Variants in SPAG17 observed in about 807,000 individuals in gnomAD.
The protein encoded by SPAG17 is sperm associated antigen 17, also known as sperm-associated antigen 17.
In SPAG17, 169 loss-of-function variants were observed where a neutral mutation model predicts 273.6. The ratio of observed to expected loss-of-function variants is 0.62; its 90% CI spans 0.55 to 0.70. The LOEUF is 0.70. Ranked by LOEUF, SPAG17 falls within the 30% of genes least tolerant of loss-of-function variation. The pLI, the probability that SPAG17 is intolerant of heterozygous loss-of-function variation, is 0.00. For missense variants in SPAG17, 2,557 were observed against 2,627.8 expected (o/e 0.97, Z 0.59); for synonymous variants, 825 against 873.2 (o/e 0.94, Z 0.97).
chr1:117,995,078 C>T (rs1051724851), intron 34 of SPAG17, among the ~76,000 whole-genome samples: 9 of 152,252 alleles, frequency 5.9e-5, no homozygotes, highest in African/African-American at 1.9e-4. Context: ...TGTGCTTCAG[C>T]TACTTTGGCC....
chr1:118,046,307 A>G (rs934401135), intron 20 of SPAG17, among the ~76,000 whole-genome samples: 1 of 152,280 alleles, frequency 6.6e-6, no homozygotes, highest in Non-Finnish European at 1.5e-5. Context: ...ACTGCACTCC[A>G]GCCTGGGGGA....
At chr1:118,085,648 A>G (rs758445879) in intron 13 of SPAG17, among the ~76,000 whole-genome samples, 4 of 152,192 alleles carry the variant, frequency 2.6e-5, no homozygotes, top group Non-Finnish European at 5.9e-5. Context: ...ATGGGGGAAA[A>G]CGAGGAAAAA....
intron 46 of SPAG17, among the ~76,000 whole-genome samples, chr1:117,967,400 G>A (rs1384807877): frequency 6.6e-6 from 1 of 151,694 alleles, no homozygotes; most frequent in Admixed American, 6.6e-5. Flanking sequence ...GCTTCCCTGG[G>A]CCACATTAGA....
intron 1 of SPAG17, among the ~76,000 whole-genome samples, chr1:118,182,347 T>C (rs1376761369): frequency 6.6e-6 from 1 of 152,126 alleles, no homozygotes; most frequent in African/African-American, 2.4e-5. Context: ...AGGTTAACAC[T>C]TCTTCCTATC....
Position 117,981,322 on chromosome 1 carries a change from C to A in SPAG17, c.5952G>T (p.Lys1984Asn). The change falls in exon 43 of 49, where the codon AAG (lysine) becomes AAT (asparagine). Residue 1984 changes from lysine to asparagine, a missense_variant. Transcript: ENST00000336338. ...TTTGGTTCTGAGCAGTGAAATCCTTCTTATCTGCAGAAATCTCTGGTTTTG... is the reference window on the plus strand; with the variant it reads ...TTTGGTTCTGAGCAGTGAAATCCTTATTATCTGCAGAAATCTCTGGTTTTG... ...SLPKPEISAD[K>N]KDFTAQNQTE... 1 of 1,602,026 alleles carries A rather than the reference C, an allele frequency of 6.2e-7. No homozygotes were observed. The highest frequency in any genetic ancestry group is 8.5e-7 in the Non-Finnish European group (1 of 1,177,310).
intron 20 of SPAG17, among the ~76,000 whole-genome samples, chr1:118,043,428 A>G (rs946240619): frequency 3.3e-5 from 5 of 152,236 alleles, no homozygotes; most frequent in Non-Finnish European, 7.3e-5. Flanking sequence ...TAAAAATTAT[A>G]TAAATTTGCA....
intron 43 of SPAG17, among the ~76,000 whole-genome samples, chr1:117,980,626 C>G (rs1655689328): frequency 6.6e-6 from 1 of 152,214 alleles, no homozygotes; most frequent in Non-Finnish European, 1.5e-5. Flanking sequence ...TCACATTCAG[C>G]ATGGAACATG....
At chr1:117,982,390 C>T (rs903279996) in intron 42 of SPAG17, among the ~76,000 whole-genome samples, 5 of 151,990 alleles carry the variant, frequency 3.3e-5, no homozygotes, top group East Asian at 3.9e-4. Flanking sequence ...TACAGGCACC[C>T]GCCACCACGC....
At chr1:117,964,407 T>G (rs1653544013) in intron 47 of SPAG17, 1 of 152,948 alleles carries the variant, frequency 6.5e-6, no homozygotes, top group South Asian at 2.1e-4. Context: ...ATTTCATTGC[T>G]ATGATCAGCA....
chr1:118,098,898 C>T lies in SPAG17; in HGVS notation c.829+708G>A, dbSNP rs538360252. ...AATTGGGATGTGGCTGCATAAGATA[C>T]AAAACACTGTGCAAATGATATTATT... is the stretch of plus-strand genomic sequence containing the variant. On this transcript the variant is annotated intron_variant, in intron 6 of 48. Transcript: ENST00000336338. Among the ~76,000 whole-genome samples the T allele has an allele frequency of 2.6e-5, 4 of 152,148 alleles. No homozygotes were observed. The South Asian group carries it at 8.3e-4, about 32-fold the overall frequency.
chr1:117,991,759 T>TG (rs1657107019), intron 36 of SPAG17, among the ~76,000 whole-genome samples: 1 of 152,288 alleles, frequency 6.6e-6, no homozygotes, highest in African/African-American at 2.4e-5. Context: ...TAGAACTGCA[T>TG]GGGGGCCTCA....
At chr1:118,086,619 T>C in intron 12 of SPAG17, 52 bp downstream of exon 12, 5 of 1,487,966 alleles carry the variant, frequency 3.4e-6, no homozygotes, top group South Asian at 2.3e-5. Context: ...TGAATAGTTA[T>C]AAACACACTT....
At chr1:117,990,220 C>T (rs1656921241) in intron 38 of SPAG17, among the ~76,000 whole-genome samples, 1 of 152,166 alleles carries the variant, frequency 6.6e-6, no homozygotes, top group African/African-American at 2.4e-5. Context: ...AACAACTGTA[C>T]AAGCCCACAC....
At chr1:118,094,777 C>G (rs967377433) in intron 7 of SPAG17, among the ~76,000 whole-genome samples, 1 of 152,192 alleles carries the variant, frequency 6.6e-6, no homozygotes, top group Non-Finnish European at 1.5e-5. Flanking sequence ...CCCTCCCCAT[C>G]ATCCTCAATG....
At chr1:118,117,659 A>G (rs1254747866) in intron 3 of SPAG17, among the ~76,000 whole-genome samples, 1 of 152,190 alleles carries the variant, frequency 6.6e-6, no homozygotes, top group Non-Finnish European at 1.5e-5. Flanking sequence ...GTGGACAGGC[A>G]GCCTTGAGGA....
chr1:118,160,748 T>C (rs765875577), intron 1 of SPAG17, among the ~76,000 whole-genome samples: 3 of 152,236 alleles, frequency 2.0e-5, no homozygotes, highest in Non-Finnish European at 4.4e-5. Context: ...TATCTCATAA[T>C]ATCCCTAATA....
rs766338050 is a variant in SPAG17, at chr1:118,055,850, G to A, written c.2605C>T (p.Gln869Ter). ...DWITKEEAIY[Q>*]ESKMNEKIIR... Reference sequence around the variant, plus strand: ...ATTTTCTCATTCATTTTAGATTCCTGATATATAGCTTCTTCTTTTGTAATC... The same window carrying A: ...ATTTTCTCATTCATTTTAGATTCCTAATATATAGCTTCTTCTTTTGTAATC... The change falls in exon 19 of 49, where the codon CAG becomes TAG. Residue 869 changes from glutamine (Q) to a stop codon, truncating the protein, a stop_gained. Transcript: ENST00000336338. LOFTEE classifies it high-confidence loss of function. The A allele has an allele frequency of 1.2e-6, 2 of 1,612,476 alleles. No homozygotes were observed. The highest frequency in any genetic ancestry group is 1.7e-6 in the Non-Finnish European group (2 of 1,179,350).
Position 118,022,509 on chromosome 1 carries a change from T to C in SPAG17, c.4069+795A>G, listed in dbSNP as rs148892387. Among the ~76,000 whole-genome samples the C allele has an allele frequency of 7.0e-3, 1,060 of 152,250 alleles. 5 individuals carry two copies. Among genetic ancestry groups the C allele is most frequent in the Non-Finnish European group, 0.01 (711 of 68,016 alleles). ...ATGCAAATCAACATAATAAGATGCA[T>C]TGATTATCATGTTGAATAAGATTAA... On this transcript the variant is annotated intron_variant, in intron 28 of 48. Coordinates refer to ENST00000336338, the MANE Select transcript of SPAG17 (RefSeq NM_206996.4).
At chr1:118,168,595 A>C (rs1047699364) in intron 1 of SPAG17, among the ~76,000 whole-genome samples, 3 of 152,226 alleles carry the variant, frequency 2.0e-5, no homozygotes, top group African/African-American at 7.2e-5. Context: ...GCCAGCAAGG[A>C]GAGAATTCAA....
Sources: gnomAD v4.1 joint callset for allele counts (sites outside exome capture counted in the v4.1 genomes callset) on GRCh38, gnomAD v4.1.1 for gene constraint, MANE v1.5 for transcripts, NCBI Gene and HGNC (gene_info 2026-07-23, HGNC 2026-07-21) for gene names.